Variants in NRG1 observed in about 807,000 individuals in gnomAD.
The protein encoded by NRG1 is pro-neuregulin-1, membrane-bound isoform.
In NRG1, 18 loss-of-function variants were observed where a neutral mutation model predicts 63.8. That is an observed-to-expected ratio of 0.28 (90% CI 0.19 to 0.42). NRG1 has a LOEUF of 0.42. NRG1 is among the 10% of genes least tolerant of loss of function. NRG1 has a pLI of 1.00. For missense variants in NRG1, 762 were observed against 814.7 expected (o/e 0.94, Z 0.79); for synonymous variants, 302 against 301.3 (o/e 1.00, Z -0.02).
chr8:32,317,734 A>G (rs1035345791), intron 1 of NRG1, among the ~76,000 whole-genome samples: 1 of 152,176 alleles, frequency 6.6e-6, no homozygotes, highest in African/African-American at 2.4e-5. Flanking sequence ...ATATCTCCCC[A>G]CCCTAATTGT....
chr8:32,326,550 T>C (rs10106422), intron 1 of NRG1, among the ~76,000 whole-genome samples: 14,418 of 151,980 alleles, frequency 0.095, 952 homozygotes, highest in African/African-American at 0.18. Context: ...GTCTTGAACT[T>C]CTAGCCTCAA....
chr8:31,731,333 A>C (rs1814029072), intron 1 of NRG1, among the ~76,000 whole-genome samples: 1 of 152,062 alleles, frequency 6.6e-6, no homozygotes, highest in African/African-American at 2.4e-5. Flanking sequence ...AGATATCATG[A>C]AACTATTAAA....
intron 1 of NRG1, among the ~76,000 whole-genome samples, chr8:32,337,787 G>C (rs751287624): frequency 6.7e-6 from 1 of 150,256 alleles, no homozygotes; most frequent in African/African-American, 2.4e-5. Flanking sequence ...AATCTATAAA[G>C]TCTGTTTTCT....
chr8:31,992,337 G>A (rs1038790389), intron 1 of NRG1, among the ~76,000 whole-genome samples: 2 of 151,928 alleles, frequency 1.3e-5, no homozygotes, highest in Non-Finnish European at 2.9e-5. Flanking sequence ...GAGCAGAAAT[G>A]TCTGATGTTC....
chr8:31,816,120 C>T (rs544683048), intron 1 of NRG1, among the ~76,000 whole-genome samples: 36 of 152,254 alleles, frequency 2.4e-4, no homozygotes, highest in South Asian at 8.3e-4. Context: ...TTCTTACCTT[C>T]GAAGTCACAG....
intron 2 of NRG1, among the ~76,000 whole-genome samples, chr8:32,599,575 G>C (rs754752919): frequency 9.9e-5 from 15 of 152,002 alleles, no homozygotes; most frequent in Non-Finnish European, 1.9e-4. Context: ...TTGTTTATTT[G>C]GCTAACCCAT....
chr8:32,217,300 TAAGAA>T (rs1264877677), intron 1 of NRG1, among the ~76,000 whole-genome samples: 1 of 150,276 alleles, frequency 6.7e-6, no homozygotes, highest in Non-Finnish European at 1.5e-5. Flanking sequence ...TTAATTGATC[TAAGAA>T]AAGGGAGAGG....
chr8:31,728,900 A>G (rs541725888), intron 1 of NRG1, among the ~76,000 whole-genome samples: 4 of 152,274 alleles, frequency 2.6e-5, no homozygotes, highest in African/African-American at 9.6e-5. Flanking sequence ...AAGGTATTGA[A>G]ATTTTTTGGT....
At chr8:32,134,873 C>T (rs1835304760) in intron 1 of NRG1, among the ~76,000 whole-genome samples, 1 of 152,036 alleles carries the variant, frequency 6.6e-6, no homozygotes, top group Non-Finnish European at 1.5e-5. Flanking sequence ...TAGAGTGAGA[C>T]CCTGTCTCTA....
chr8:32,207,376 C>T (rs2132346961), intron 1 of NRG1, among the ~76,000 whole-genome samples: 1 of 152,194 alleles, frequency 6.6e-6, no homozygotes, highest in African/African-American at 2.4e-5. Context: ...TTGCATCAAC[C>T]TAATACCTCC....
chr8:32,631,309 C>G (rs1850264911), intron 5 of NRG1, among the ~76,000 whole-genome samples: 1 of 152,164 alleles, frequency 6.6e-6, no homozygotes, highest in Non-Finnish European at 1.5e-5. Flanking sequence ...TCAACAGTGA[C>G]CTCAAGGCTC....
At chr8:32,344,419 ATGTGTGTGTGTGTGTGTGTGTGTG>A (rs397956518) in intron 1 of NRG1, among the ~76,000 whole-genome samples, 1 of 57,422 alleles carries the variant, frequency 1.7e-5, no homozygotes, top group African/African-American at 5.3e-5. Context: ...GCGTGCATGC[ATGTGTGTGTGTGTGTGTGTGTGTG>A]TGTGTGTGTG....
At chr8:31,661,553 A>G (rs1805993138) in intron 1 of NRG1, among the ~76,000 whole-genome samples, 1 of 152,222 alleles carries the variant, frequency 6.6e-6, no homozygotes, top group South Asian at 2.1e-4. Context: ...TGTATCATTC[A>G]TTTGAAATGA....
chr8:32,663,578 C>G (rs1223349513), intron 5 of NRG1, among the ~76,000 whole-genome samples: 1 of 152,132 alleles, frequency 6.6e-6, no homozygotes, highest in Non-Finnish European at 1.5e-5. Context: ...TTTTACTTCT[C>G]AAATTACTCG....
At chr8:32,577,980 T>C (rs1415406177) in intron 1 of NRG1, among the ~76,000 whole-genome samples, 2 of 152,066 alleles carry the variant, frequency 1.3e-5, no homozygotes, top group Non-Finnish European at 2.9e-5. Flanking sequence ...TATTAGCTCA[T>C]GGAGGTTTTT....
At chr8:32,063,985 A>G (rs1824319666) in intron 1 of NRG1, among the ~76,000 whole-genome samples, 1 of 152,074 alleles carries the variant, frequency 6.6e-6, no homozygotes, top group Non-Finnish European at 1.5e-5. Flanking sequence ...GGTCACTTGT[A>G]TTTATTGGAG....
chr8:32,527,685 A>C (rs1188865337), intron 1 of NRG1, among the ~76,000 whole-genome samples: 1 of 152,172 alleles, frequency 6.6e-6, no homozygotes, highest in African/African-American at 2.4e-5. Flanking sequence ...AGACATCTCA[A>C]ATGACAACTT....
chr8:32,487,856 C>T (rs1476833858), intron 1 of NRG1, among the ~76,000 whole-genome samples: 1 of 152,154 alleles, frequency 6.6e-6, no homozygotes, highest in Non-Finnish European at 1.5e-5. Context: ...ACTAAGAATG[C>T]TCAGCAGATG....
chr8:32,438,172 T>G (rs770250495), intron 1 of NRG1, among the ~76,000 whole-genome samples: 3 of 152,180 alleles, frequency 2.0e-5, no homozygotes, highest in Non-Finnish European at 4.4e-5. Flanking sequence ...CTTTTGTAGC[T>G]ACGTCTACTT....
Sources: allele counts gnomAD v4.1 joint callset (sites outside exome capture counted in the v4.1 genomes callset), GRCh38; gene constraint gnomAD v4.1.1; transcripts MANE v1.5; gene names NCBI Gene and HGNC (gene_info 2026-07-23, HGNC 2026-07-21).